The following LRRC9 variants were observed in gnomAD, a reference collection of about 807,000 sequenced individuals.
The protein encoded by LRRC9 is leucine rich repeat containing 9, also known as leucine-rich repeat-containing protein 9.
LRRC9 carries 122 observed loss-of-function variants against 63.2 expected under a neutral mutation model. The observed-to-expected ratio is 1.93, with a 90% CI of 1.67 to 2.24. The LOEUF (loss-of-function observed/expected upper bound fraction) is 2.24, where lower values mean the gene tolerates loss of function less well. Ranked by LOEUF, LRRC9 falls within the 30% of genes most tolerant of loss-of-function variation. The probability of loss-of-function intolerance (pLI) is 0.00; values close to 1 mark genes in which losing one functional copy is unlikely to be tolerated. For synonymous variants in LRRC9, 366 were observed against 213.1 expected, an observed-to-expected ratio of 1.72 and a Z score of -6.25; for missense variants, 1,071 against 627.7, an observed-to-expected ratio of 1.71 and a Z score of -7.55.
chr14:59,985,237 C>T lies in LRRC9; in HGVS notation c.2211+13C>T. ...TGTATACCACTTGGTAAGAATTGTTCCTTTGAATCTAAAAAAGTGAAACTC... is the reference window on the plus strand; with the variant it reads ...TGTATACCACTTGGTAAGAATTGTTTCTTTGAATCTAAAAAAGTGAAACTC... On this transcript the variant is annotated intron_variant, in intron 17 of 31. Coordinates refer to ENST00000445360, the Ensembl canonical transcript of LRRC9. 1.6e-6 allele frequency: 1 copy of T among 614,080 alleles called. No individual in the cohort carries two copies. Among genetic ancestry groups the T allele is most frequent in the Non-Finnish European group, 3.0e-6 (1 of 334,496 alleles). The allele number at this position is 614,080 out of a possible 1,614,324, so 38.0% of individuals were successfully genotyped here.
intron 10 of LRRC9, among the ~76,000 whole-genome samples, chr14:59,963,670 T>C (rs1884565083): frequency 1.3e-5 from 2 of 152,214 alleles, no homozygotes; most frequent in African/African-American, 4.8e-5. Context: ...GAAGCTTCCA[T>C]ATCACTTTAT....
chr14:60,010,108 C>G (rs1460688180), intron 23 of LRRC9, among the ~76,000 whole-genome samples: 1 of 152,184 alleles, frequency 6.6e-6, no homozygotes, highest in Admixed American at 6.5e-5. Flanking sequence ...AGTGGTCCCC[C>G]CCTCACAGCT....
rs1888927224 is a variant in LRRC9, at chr14:59,923,199, G to A, written c.-34+3316G>A. Among the ~76,000 whole-genome samples, 1 of 152,176 alleles carries A rather than the reference G, an allele frequency of 6.6e-6. No individual in the cohort carries two copies. The highest frequency in any genetic ancestry group is 1.5e-5 in the Non-Finnish European group (1 of 68,032). On this transcript the variant is annotated intron_variant, in intron 1 of 31. Transcript: ENST00000445360. This position sits in a 1 kb window ranked among gnomAD's most constrained non-coding sequence, Gnocchi z 4.2. ...ATACAAGACTTGTAAGTACCAGGAA[G>A]GCCTAGCATCCTTGTGATTCAGAAA... is the stretch of plus-strand genomic sequence containing the variant.
intron 17 of LRRC9, among the ~76,000 whole-genome samples, chr14:59,988,561 C>T (rs1249123665): frequency 6.6e-6 from 1 of 152,066 alleles, no homozygotes; most frequent in Non-Finnish European, 1.5e-5. Context: ...GTACACGCAA[C>T]AGTGTCATAA....
intron 12 of LRRC9, among the ~76,000 whole-genome samples, chr14:59,971,994 T>G (rs1210392504): frequency 2.6e-5 from 4 of 152,208 alleles, no homozygotes; most frequent in Non-Finnish European, 4.4e-5. Flanking sequence ...GCATTACATG[T>G]AATGATGATG....
At chr14:60,040,108 A>G (rs1892816548) in intron 29 of LRRC9, among the ~76,000 whole-genome samples, 1 of 151,940 alleles carries the variant, frequency 6.6e-6, no homozygotes, top group Non-Finnish European at 1.5e-5. Context: ...TTCTAGTTTG[A>G]TTGCACTGTG....
chr14:60,058,234 C>CTA lies in LRRC9; in HGVS notation c.4276+213_4276+214dup, dbSNP rs1434319477. Among the ~76,000 whole-genome samples, 1 of 152,104 alleles carries CTA rather than the reference C, an allele frequency of 6.6e-6. No homozygotes were observed. Among genetic ancestry groups the CTA allele is most frequent in the African/African-American group, 2.4e-5 (1 of 41,432 alleles). On this transcript the variant is annotated intron_variant, in intron 31 of 31. Coordinates refer to ENST00000445360, the Ensembl canonical transcript of LRRC9. The surrounding 1 kb of genome is among the most constrained non-coding windows in gnomAD (Gnocchi z 4.4). ...TTATAGCTTTTTTTGTACTCAGCTA[C>CTA]TAGCATGTTGTGACTAAACATTTGC...
At chr14:60,007,220 T>C (rs1193899206) in intron 22 of LRRC9, among the ~76,000 whole-genome samples, 1 of 152,204 alleles carries the variant, frequency 6.6e-6, no homozygotes, top group Non-Finnish European at 1.5e-5. Context: ...ATTTCCTGTC[T>C]TTTCTTAGTT....
At chr14:59,968,553 T>C (rs891736926) in intron 12 of LRRC9, among the ~76,000 whole-genome samples, 15 of 152,180 alleles carry the variant, frequency 9.9e-5, no homozygotes, top group Admixed American at 8.5e-4. Context: ...AGGGGAGCTA[T>C]TGCAGCAGCT....
At chr14:59,952,520 C>T (rs1883275599) in intron 8 of LRRC9, among the ~76,000 whole-genome samples, 2 of 152,188 alleles carry the variant, frequency 1.3e-5, no homozygotes, top group Non-Finnish European at 2.9e-5. Flanking sequence ...ATCTTGGCTC[C>T]TCCAATCTAT....
chr14:60,040,024 C>G (rs1158248302), intron 29 of LRRC9, among the ~76,000 whole-genome samples: 1 of 151,968 alleles, frequency 6.6e-6, no homozygotes, highest in Non-Finnish European at 1.5e-5. Flanking sequence ...GTTATGTACC[C>G]AGTAGTCATT....
Position 59,990,929 on chromosome 14 carries a change from T to C in LRRC9, c.2211+5705T>C, listed in dbSNP as rs1368728920. On this transcript the variant is annotated intron_variant, in intron 17 of 31. Coordinates refer to ENST00000445360, the Ensembl canonical transcript of LRRC9. The surrounding 1 kb of genome is among the most constrained non-coding windows in gnomAD (Gnocchi z 4.2). The stretch of plus-strand genomic sequence containing the variant: ...CAGGTCTTGTGTTGATGGTGGTTTA[T>C]CTCTACCAACTTCTTTTGGAGCCTA... Among the ~76,000 whole-genome samples, 1 of 152,214 alleles carries C rather than the reference T, an allele frequency of 6.6e-6. No homozygotes were observed. Among genetic ancestry groups the C allele is most frequent in the African/African-American group, 2.4e-5 (1 of 41,452 alleles).
intron 12 of LRRC9, among the ~76,000 whole-genome samples, chr14:59,973,995 C>A (rs1035957334): frequency 6.6e-6 from 1 of 152,008 alleles, no homozygotes; most frequent in Non-Finnish European, 1.5e-5. Context: ...CTCTAGTTTT[C>A]TTACTACTAA....
chr14:60,018,071 G>C (rs1890833421), intron 24 of LRRC9, among the ~76,000 whole-genome samples: 1 of 151,924 alleles, frequency 6.6e-6, no homozygotes, highest in African/African-American at 2.4e-5. Context: ...AATTTATAAA[G>C]AAAGTGGAAA....
intron 17 of LRRC9, among the ~76,000 whole-genome samples, chr14:59,985,604 C>G (rs1331021115): frequency 6.6e-6 from 1 of 152,040 alleles, no homozygotes; most frequent in Non-Finnish European, 1.5e-5. Context: ...GAAAAAAGAT[C>G]ATGAAGTCAG....
Position 59,990,011 on chromosome 14 carries a change from T to C in LRRC9, c.2211+4787T>C, listed in dbSNP as rs1887900584. Among the ~76,000 whole-genome samples, 1 of 147,644 alleles carries C rather than the reference T, an allele frequency of 6.8e-6. No individual in the cohort carries two copies. The highest frequency in any genetic ancestry group is 1.5e-5 in the Non-Finnish European group (1 of 67,158). ...GGCGCAATCTCGGCTCACCGCAACA[T>C]CCACCTCCTGGATTCAAGTAATTCT... On this transcript the variant is annotated intron_variant, in intron 17 of 31. Transcript: ENST00000445360. This position sits in a 1 kb window ranked among gnomAD's most constrained non-coding sequence, Gnocchi z 4.2.
At chr14:59,974,466 T>G in intron 12 of LRRC9, 110 bp from the exon 13 acceptor site, 1 of 432,092 alleles carries the variant, frequency 2.3e-6, no homozygotes, top group Non-Finnish European at 4.1e-6. Flanking sequence ...GAGTCCGGCC[T>G]GCAGATTTCT....
intron 7 of LRRC9, among the ~76,000 whole-genome samples, chr14:59,939,700 A>G (rs7157019): frequency 0.43 from 64,617 of 151,706 alleles, 14,469 homozygotes; most frequent in East Asian, 0.64. Flanking sequence ...GATATTGGCA[A>G]GAGCAATTCA....
intron 13 of LRRC9, among the ~76,000 whole-genome samples, chr14:59,975,473 A>G (rs1053266551): frequency 1.3e-5 from 2 of 151,898 alleles, no homozygotes; most frequent in African/African-American, 4.8e-5. Flanking sequence ...AAGTACACAA[A>G]CCAATTTATA....
Sources: gnomAD v4.1 joint callset for allele counts (sites outside exome capture counted in the v4.1 genomes callset) on GRCh38, gnomAD v4.1.1 for gene constraint, Gnocchi (gnomAD v3.1) non-coding constraint, MANE v1.5 for transcripts, NCBI Gene and HGNC (gene_info 2026-07-23, HGNC 2026-07-21) for gene names.